The following LPCAT3 variants were observed in gnomAD, a reference collection of about 807,000 sequenced individuals.
The protein encoded by LPCAT3 is lysophosphatidylcholine acyltransferase 3, also known as lysophospholipid acyltransferase 5.
In LPCAT3, 21 loss-of-function variants were observed where a neutral mutation model predicts 63.4. That is an observed-to-expected ratio of 0.33 (90% confidence interval 0.23 to 0.48). The LOEUF (loss-of-function observed/expected upper bound fraction) is 0.48, where lower values mean the gene tolerates loss of function less well. Ranked by LOEUF, LPCAT3 falls within the 20% of genes least tolerant of loss-of-function variation. The pLI is 0.99. For synonymous variants in LPCAT3, 242 were observed against 227.5 expected, an observed-to-expected ratio of 1.06 and a Z score of -0.58; for missense variants, 451 against 590.6, an observed-to-expected ratio of 0.76 and a Z score of 2.45.
At chr12:6,978,222 A>G in intron 9 of LPCAT3, 119 bp downstream of exon 9, 2 of 1,202,854 alleles carry the variant, frequency 1.7e-6, no homozygotes, top group Non-Finnish European at 2.3e-6. Context: ...TGTGAGCGAC[A>G]GGGGGTTCTG....
chr12:7,017,553 A>T lies in LPCAT3; in HGVS notation c.151+721T>A, dbSNP rs1946804262. On this transcript the variant is annotated intron_variant, in intron 1 of 12. Transcript: ENST00000261407. This position sits in a 1 kb window ranked among gnomAD's most constrained non-coding sequence, Gnocchi z 4.1. Reference sequence around the variant, plus strand: ...TAAAAAAGCCTATAAACCAGTTGTAATACAGCTTGTTGTGGCATAAATTCA... The same window carrying T: ...TAAAAAAGCCTATAAACCAGTTGTATTACAGCTTGTTGTGGCATAAATTCA... Among the ~76,000 whole-genome samples the T allele has an allele frequency of 6.6e-6, 1 of 152,204 alleles. No homozygotes were observed. Among genetic ancestry groups the T allele is most frequent in the South Asian group, 2.1e-4 (1 of 4,836 alleles).
chr12:6,997,053 C>A (rs772717196), intron 1 of LPCAT3, among the ~76,000 whole-genome samples: 1 of 152,050 alleles, frequency 6.6e-6, no homozygotes, highest in African/African-American at 2.4e-5. Flanking sequence ...AGGAAAAGGA[C>A]AAATTAAAGA....
chr12:7,015,648 G>A (rs1946793000), intron 1 of LPCAT3, among the ~76,000 whole-genome samples: 1 of 152,184 alleles, frequency 6.6e-6, no homozygotes, highest in Non-Finnish European at 1.5e-5. Context: ...GAAGCCCCAA[G>A]TTGATCTAAA....
chr12:7,018,382 G>A lies in LPCAT3; in HGVS notation c.43C>T (p.Leu15=). 2 of 1,612,448 alleles carry A rather than the reference G, an allele frequency of 1.2e-6. No individual in the cohort carries two copies. Among genetic ancestry groups the A allele is most frequent in the Middle Eastern group, 1.7e-4 (1 of 6,056 alleles). Residue 15 remains leucine, a synonymous_variant, in exon 1 of 13, where the codon CTG becomes TTG. Coordinates refer to ENST00000261407, the MANE Select transcript of LPCAT3 (RefSeq NM_005768.6). This position sits in a 1 kb window ranked among gnomAD's most constrained non-coding sequence, Gnocchi z 4.9. ...AEGDEGTVVA[L]AGVLQSGFQE... is the part of the protein sequence containing the mutation. ...AAACCCGACTGCAGAACCCCCGCCA[G>A]CGCCACCACAGTCCCCTCGTCCCCC...
intron 5 of LPCAT3, 166 bp downstream of exon 5, chr12:6,981,429 A>G: frequency 1.3e-6 from 1 of 776,494 alleles, no homozygotes; most frequent in Middle Eastern, 2.7e-4. Context: ...TCCTGGGCAA[A>G]TTAGATTTGT....
At chr12:7,001,003 G>A (rs1946683089) in intron 1 of LPCAT3, among the ~76,000 whole-genome samples, 1 of 152,036 alleles carries the variant, frequency 6.6e-6, no homozygotes, top group Admixed American at 6.6e-5. Flanking sequence ...CACTGCGCCC[G>A]GCCGAAAATT....
At chr12:7,003,264 A>T (rs1477333938) in intron 1 of LPCAT3, among the ~76,000 whole-genome samples, 3 of 152,126 alleles carry the variant, frequency 2.0e-5, no homozygotes, top group Non-Finnish European at 4.4e-5. Context: ...TGATCTTAAA[A>T]TGTCTTATCC....
rs1231747115 is a variant in LPCAT3 at position 6,987,630 on chromosome 12, T to A, written c.152-4091A>T. On this transcript the variant is annotated intron_variant, in intron 1 of 12. Coordinates refer to ENST00000261407, the MANE Select transcript of LPCAT3 (RefSeq NM_005768.6). This position sits in a 1 kb window ranked among gnomAD's most constrained non-coding sequence, Gnocchi z 4.1. ...AAATAAAAAAATATAAAACAGTAGATAATTATCTAGAGCACTCATAAATAA... is the reference window on the plus strand; with the variant it reads ...AAATAAAAAAATATAAAACAGTAGAAAATTATCTAGAGCACTCATAAATAA... Among the ~76,000 whole-genome samples the A allele has an allele frequency of 6.6e-6, 1 of 152,258 alleles. No homozygotes were observed. The highest frequency in any genetic ancestry group is 1.5e-5 in the Non-Finnish European group (1 of 68,046).
rs782607348 is a variant in LPCAT3, at chr12:7,006,280, G to A, written c.151+11994C>T. Among the ~76,000 whole-genome samples, 22 of 152,310 alleles carry A rather than the reference G, an allele frequency of 1.4e-4. No homozygotes were observed. The South Asian group carries it at 3.1e-3, about 22-fold the overall frequency. ...TTCTCCCAGGCTATAGTACAGTGGC[G>A]TGATCTTGGCTCCCTGCAACCTCTG... is the stretch of plus-strand genomic sequence containing the variant. On this transcript the variant is annotated intron_variant, in intron 1 of 12. Transcript: ENST00000261407.
chr12:6,977,546 C>G lies in LPCAT3; in HGVS notation c.1189-21G>C, dbSNP rs1256123250. The G allele has an allele frequency of 9.3e-6, 15 of 1,613,996 alleles. No homozygotes were observed. In the African/African-American group the frequency reaches 1.9e-4, roughly 20 times the overall value. Reference sequence around the variant, plus strand: ...GCAGCCTGGGGAGGGAGGAGGAGCTCATCAGCATCTTGTCCCTTATATTCC... The same window carrying G: ...GCAGCCTGGGGAGGGAGGAGGAGCTGATCAGCATCTTGTCCCTTATATTCC... On this transcript the variant is annotated intron_variant, in intron 10 of 12. Coordinates refer to ENST00000261407, the MANE Select transcript of LPCAT3 (RefSeq NM_005768.6). This position sits in a 1 kb window ranked among gnomAD's most constrained non-coding sequence, Gnocchi z 4.5.
chr12:6,979,720 GT>G, intron 6 of LPCAT3, 141 bp from the exon 7 acceptor site: 1 of 632,078 alleles, frequency 1.6e-6, no homozygotes, highest in Non-Finnish European at 2.8e-6. Context: ...TGCCCAAAGT[GT>G]TTCCTGTTTC....
intron 1 of LPCAT3, among the ~76,000 whole-genome samples, chr12:6,990,151 C>T (rs1422188240): frequency 6.6e-6 from 1 of 151,148 alleles, no homozygotes; most frequent in African/African-American, 2.4e-5. Context: ...GCACTCCAGC[C>T]TGGGCAACAA....
chr12:7,003,342 C>T (rs1449758232), intron 1 of LPCAT3, among the ~76,000 whole-genome samples: 3 of 148,960 alleles, frequency 2.0e-5, no homozygotes, highest in Admixed American at 6.7e-5. Context: ...TTATTGAGTG[C>T]TTTGGGAGTA....
chr12:7,000,387 A>ACCATCCTGGCTAACACAGTGACGCC (rs2138352411), intron 1 of LPCAT3, among the ~76,000 whole-genome samples: 1 of 150,550 alleles, frequency 6.6e-6, no homozygotes, highest in Admixed American at 6.6e-5. Context: ...GGAGATCGAG[A>ACCATCCTGGCTAACACAGTGACGCC]CCATCCTGGC....
intron 1 of LPCAT3, among the ~76,000 whole-genome samples, chr12:7,010,538 CCT>C (rs1555157147): frequency 6.6e-6 from 1 of 152,156 alleles, no homozygotes; most frequent in African/African-American, 2.4e-5. Flanking sequence ...ACTTCAGTCC[CCT>C]GAGTAGCTGG....
At chr12:7,003,206 T>C (rs1555156645) in intron 1 of LPCAT3, among the ~76,000 whole-genome samples, 1 of 152,138 alleles carries the variant, frequency 6.6e-6, no homozygotes, top group Non-Finnish European at 1.5e-5. Flanking sequence ...AAAACCATTT[T>C]ATTTGGTTAT....
chr12:6,977,294 G>A lies in LPCAT3; in HGVS notation c.1348-32C>T. 1 of 1,611,272 alleles carries A rather than the reference G, an allele frequency of 6.2e-7. No homozygotes were observed. Among genetic ancestry groups the A allele is most frequent in the South Asian group, 1.1e-5 (1 of 91,026 alleles). The stretch of plus-strand genomic sequence containing the variant: ...AGAGAGAGGCCACTAAGGTAGACAG[G>A]CCTGGAGTGTCCTTTGCAACCTTTG... On this transcript the variant is annotated intron_variant, in intron 11 of 12. Transcript: ENST00000261407. This position sits in a 1 kb window ranked among gnomAD's most constrained non-coding sequence, Gnocchi z 4.5.
In LPCAT3 at chr12:6,977,522, C is replaced by T. The variant is rs782758885; in HGVS notation, c.1192G>A (p.Ala398Thr). 6.2e-7 allele frequency: 1 copy of T among 1,614,182 alleles called. No homozygotes were observed. Among genetic ancestry groups the T allele is most frequent in the Non-Finnish European group, 8.5e-7 (1 of 1,180,040 alleles). Residue 398 changes from alanine to threonine, a missense_variant, in exon 11 of 13, where the codon GCC becomes ACC. Coordinates refer to ENST00000261407, the MANE Select transcript of LPCAT3 (RefSeq NM_005768.6). This position sits in a 1 kb window ranked among gnomAD's most constrained non-coding sequence, Gnocchi z 4.5. ...FLIVIVERQAARLIQESPTLS... is the reference protein window; with the variant it reads ...FLIVIVERQATRLIQESPTLS... ...GTGGGGCTCTCTTGAATGAGCCTGGCAGCCTGGGGAGGGAGGAGGAGCTCA... is the reference window on the plus strand; with the variant it reads ...GTGGGGCTCTCTTGAATGAGCCTGGTAGCCTGGGGAGGGAGGAGGAGCTCA...
chr12:6,991,595 T>G (rs782107871), intron 1 of LPCAT3, among the ~76,000 whole-genome samples: 1 of 152,342 alleles, frequency 6.6e-6, no homozygotes, highest in South Asian at 2.1e-4. Context: ...TTTTCCAAAA[T>G]TCTAATTTTT....
Sources: allele counts gnomAD v4.1 joint callset (sites outside exome capture counted in the v4.1 genomes callset), GRCh38; gene constraint gnomAD v4.1.1; non-coding constraint Gnocchi (gnomAD v3.1); transcripts MANE v1.5; gene names NCBI Gene and HGNC (gene_info 2026-07-23, HGNC 2026-07-21).